RPS19BP1: variants seen among roughly 807,000 people sequenced by gnomAD.
RPS19BP1 encodes ribosomal protein S19 binding protein 1.
A neutral mutation model predicts 16.6 loss-of-function variants in RPS19BP1; 14 were observed. The observed-to-expected ratio is 0.84, with a 90% CI of 0.56 to 1.32. The LOEUF (loss-of-function observed/expected upper bound fraction) is 1.32, where lower values mean the gene tolerates loss of function less well. Ranked by LOEUF, RPS19BP1 falls within the 40% of genes most tolerant of loss-of-function variation. The pLI is 0.00. For missense variants in RPS19BP1, 188 were observed against 178.6 expected (o/e 1.05, Z -0.30); for synonymous variants, 90 against 77.3 (o/e 1.16, Z -0.86).
At chr22:39,532,546 A>G (rs990971474) in intron 1 of RPS19BP1, 23 bp from the exon 2 acceptor site, 4 of 1,613,178 alleles carry the variant, frequency 2.5e-6, no homozygotes, top group Non-Finnish European at 1.7e-6. Context: ...AGAGAGGAAG[A>G]GACCCAGGTC....
chr22:39,531,417 AG>A (rs1184952314), intron 2 of RPS19BP1: 2 of 152,246 alleles, frequency 1.3e-5, no homozygotes, highest in African/African-American at 4.8e-5. Context: ...ATTCAGACAC[AG>A]TAAGAGCTTG....
chr22:39,530,207 A>C (rs767312488), intron 2 of RPS19BP1: 7 of 400,036 alleles, frequency 1.7e-5, no homozygotes, highest in Non-Finnish European at 3.2e-5. Context: ...CCAGTATTTT[A>C]GAAGCGCAAA....
chr22:39,529,658 C>T, intron 3 of RPS19BP1, 35 bp from the exon 4 acceptor site: 1 of 1,611,162 alleles, frequency 6.2e-7, no homozygotes, highest in South Asian at 1.1e-5. Context: ...CCCATCATTT[C>T]AAGAGCAGAG....
chr22:39,530,268 G>T (rs997839106), intron 2 of RPS19BP1: 1 of 289,398 alleles, frequency 3.5e-6, no homozygotes, highest in Non-Finnish European at 6.6e-6. Context: ...AATTCCAGGG[G>T]TGGAGGGTGC....
At position 39,529,443 on chromosome 22, in the gene RPS19BP1, T is replaced by C. The variant is rs1931244177; in HGVS notation, c.*49A>G. ...GGCCGGTTCCTGGAGCCAGCAGGAG[T>C]CGGAGGCTGCAGGGCTTGAAGGCCT... On this transcript the variant is annotated 3_prime_UTR_variant, in exon 4 of 4. Coordinates refer to ENST00000334678, the MANE Select transcript of RPS19BP1 (RefSeq NM_194326.4). 6.2e-7 allele frequency: 1 copy of C among 1,606,116 alleles called. No homozygotes were observed. The highest frequency in any genetic ancestry group is 2.2e-5 in the East Asian group (1 of 44,602).
chr22:39,529,320 C>G lies in RPS19BP1; in HGVS notation c.*172G>C, dbSNP rs1262155514. The G allele has an allele frequency of 2.3e-6, 2 of 869,388 alleles. No homozygotes were observed. The highest frequency in any genetic ancestry group is 3.5e-6 in the Non-Finnish European group (2 of 576,762). 53.9% of individuals were successfully genotyped at this position (869,388 alleles called of 1,614,324 possible). On this transcript the variant is annotated 3_prime_UTR_variant, in exon 4 of 4. Transcript: ENST00000334678. ...TGTGTGTAAATCCTCCCCAGGACTT[C>G]CGGCCCACCAGCTCCATTCCAGCCT...
rs78842026 is a variant in RPS19BP1, at chr22:39,532,553, G to A, written c.53-30C>T. 1.4e-5 allele frequency: 22 copies of A among 1,612,822 alleles called. No homozygotes were observed. The East Asian group carries it at 4.5e-4, about 33-fold the overall frequency. On this transcript the variant is annotated intron_variant, in intron 1 of 3. Transcript: ENST00000334678. ...AGGGGAAGAGAGAGGAAGAGACCCA[G>A]GTCAGAGGGCGCGCAGCGTTCCCAT...
intron 1 of RPS19BP1, 33 bp downstream of exon 1, chr22:39,532,654 C>A: frequency 6.4e-7 from 1 of 1,568,794 alleles, no homozygotes; most frequent in Non-Finnish European, 8.6e-7. Flanking sequence ...TCCTCCTGCC[C>A]GCGCCGGACG....
intron 2 of RPS19BP1, chr22:39,530,957 G>A (rs1015941): frequency 0.22 from 33,722 of 152,124 alleles, 5,119 homozygotes; most frequent in East Asian, 0.81. Flanking sequence ...ACAAGATTAC[G>A]GGGGGAGGGG....
Position 39,529,209 on chromosome 22 carries a change from A to C in RPS19BP1, c.*283T>G, listed in dbSNP as rs531006635. The C allele has an allele frequency of 8.8e-6, 4 of 453,940 alleles. No individual in the cohort carries two copies. In the East Asian group the frequency reaches 1.9e-4, roughly 21 times the overall value. The allele number at this position is 453,940 out of a possible 1,614,324, so 28.1% of individuals were successfully genotyped here. On this transcript the variant is annotated 3_prime_UTR_variant, in exon 4 of 4. Coordinates refer to ENST00000334678, the MANE Select transcript of RPS19BP1 (RefSeq NM_194326.4). Reference sequence around the variant, plus strand: ...CCACAGCAAACAGCCCAGAGGCCCCACCTGGGCAAAAGCAAACAAAACAGA... The same window carrying C: ...CCACAGCAAACAGCCCAGAGGCCCCCCCTGGGCAAAAGCAAACAAAACAGA...
rs761924897 is a variant in RPS19BP1 at position 39,529,578 on chromosome 22, CCACAGGCCGGT to C, written c.314_324del (p.Asp105GlyfsTer9). 6.8e-6 allele frequency: 11 copies of C among 1,614,178 alleles called. No individual in the cohort carries two copies. In the African/African-American group the frequency reaches 1.1e-4, roughly 16 times the overall value. ...TCAGCCTTCTTCTTCTTGGTCTTGGCCACAGGCCGGTCACAGGCCTTGCGGCCCCGGTTCTG... is the reference window on the plus strand; with the variant it reads ...TCAGCCTTCTTCTTCTTGGTCTTGGCCACAGGCCTTGCGGCCCCGGTTCTG... On this transcript the variant is annotated frameshift_variant, in exon 4 of 4. Transcript: ENST00000334678. LOFTEE classifies it high-confidence loss of function.
intron 2 of RPS19BP1, 53 bp downstream of exon 2, chr22:39,532,342 G>C (rs930657645): frequency 6.2e-7 from 1 of 1,612,386 alleles, no homozygotes; most frequent in African/African-American, 1.3e-5. Context: ...ACCTCCTCTG[G>C]GGCGCAGGTC....
At position 39,529,859 on chromosome 22, in the gene RPS19BP1, G is replaced by T. The variant is rs1338547153; in HGVS notation, c.240C>A (p.Thr80=). 1.2e-6 allele frequency: 2 copies of T among 1,614,022 alleles called. No individual in the cohort carries two copies. Among genetic ancestry groups the T allele is most frequent in the Non-Finnish European group, 1.7e-6 (2 of 1,180,020 alleles). ...DHLRVNLKFL[T]RTRSTVAESV... ...ACTCAGCCACGGTGCTTCTCGTCCT[G>T]GTCAGAAACTTCAGGTTTACTCTGA... The change falls in exon 3 of 4, where the codon ACC becomes ACA. Residue 80 remains threonine, a synonymous_variant. Transcript: ENST00000334678.
intron 2 of RPS19BP1, chr22:39,530,802 G>C (rs1428278509): frequency 6.5e-6 from 1 of 153,594 alleles, no homozygotes; most frequent in African/African-American, 2.4e-5. Flanking sequence ...AAGAGACCAA[G>C]TTTGGCTGGG....
At chr22:39,532,361 G>A in intron 2 of RPS19BP1, 34 bp downstream of exon 2, 1 of 1,613,872 alleles carries the variant, frequency 6.2e-7, no homozygotes, top group South Asian at 1.1e-5. Flanking sequence ...TCCCAGCACC[G>A]GAGGCAGCAC....
At chr22:39,529,697 G>C (rs1828753888) in intron 3 of RPS19BP1, 74 bp from the exon 4 acceptor site, 3 of 1,601,898 alleles carry the variant, frequency 1.9e-6, no homozygotes, top group Non-Finnish European at 2.6e-6. Flanking sequence ...AGGGGAGTTC[G>C]GCGCAGGGCA....
At chr22:39,532,196 A>C in intron 2 of RPS19BP1, 199 bp downstream of exon 2, 1 of 639,306 alleles carries the variant, frequency 1.6e-6, no homozygotes, top group South Asian at 2.0e-5. Flanking sequence ...TTCTCTCCCC[A>C]CTAGGGCCGT....
chr22:39,532,517 C>CG lies in RPS19BP1; in HGVS notation c.58dup (p.Arg20ProfsTer69), dbSNP rs780792264. 2 of 1,613,914 alleles carry CG rather than the reference C, an allele frequency of 1.2e-6. No individual in the cohort carries two copies. The highest frequency in any genetic ancestry group is 1.1e-5 in the South Asian group (1 of 91,076). Reference sequence around the variant, plus strand: ...CGGCTTGGCCTGACCTGGAGGGTCCCGGGGGGCTGTAGGGGAAGAGAGAGG... The same window carrying CG: ...CGGCTTGGCCTGACCTGGAGGGTCCCGGGGGGGCTGTAGGGGAAGAGAGAGG... On this transcript the variant is annotated frameshift_variant, in exon 2 of 4. Transcript: ENST00000334678. LOFTEE classifies it high-confidence loss of function.
intron 1 of RPS19BP1, 59 bp from the exon 2 acceptor site, chr22:39,532,582 A>G (rs1196280922): frequency 5.0e-6 from 8 of 1,610,624 alleles, no homozygotes; most frequent in Admixed American, 3.3e-5. Flanking sequence ...TTCCCATGCC[A>G]CTGGGGCTAA....
Sources: allele counts gnomAD v4.1 joint callset, GRCh38; gene constraint gnomAD v4.1.1; transcripts MANE v1.5; gene names NCBI Gene and HGNC (gene_info 2026-07-23, HGNC 2026-07-21).